Variants in CLEC12A observed in about 807,000 individuals in gnomAD.
CLEC12A encodes the protein C-type lectin domain family 12 member A.
Under a neutral mutation model 26.5 loss-of-function variants are expected in CLEC12A, and 22 were observed. That is an observed-to-expected ratio of 0.83 (90% CI 0.59 to 1.19). The LOEUF (loss-of-function observed/expected upper bound fraction) is 1.19, where lower values mean the gene tolerates loss of function less well. CLEC12A is among the 50% of genes most tolerant of loss of function. CLEC12A has a pLI of 0.00. For missense variants in CLEC12A, 353 were observed against 315.6 expected (o/e 1.12, Z -0.90); for synonymous variants, 119 against 101.9 (o/e 1.17, Z -1.01).
chr12:9,951,642 C>T, intron 1 of CLEC12A: 1 of 442,598 alleles, frequency 2.3e-6, no homozygotes, highest in Non-Finnish European at 4.2e-6. Context: ...AGGGAGAAAG[C>T]AACTCAACTG....
At chr12:9,981,261 G>GA (rs1159051344) in intron 4 of CLEC12A, among the ~76,000 whole-genome samples, 1 of 152,118 alleles carries the variant, frequency 6.6e-6, no homozygotes, top group Non-Finnish European at 1.5e-5. Context: ...TGAATCCCAG[G>GA]AAAAATGTGT....
chr12:9,992,533 G>A (rs1403482960), intron 4 of CLEC12A: 1 of 152,030 alleles, frequency 6.6e-6, no homozygotes, highest in Non-Finnish European at 1.5e-5. Flanking sequence ...TCGCTTTCAT[G>A]GAGTTTCTGG....
intron 1 of CLEC12A, among the ~76,000 whole-genome samples, chr12:9,958,123 A>G (rs1863772484): frequency 6.6e-6 from 1 of 152,224 alleles, no homozygotes; most frequent in Non-Finnish European, 1.5e-5. Context: ...ACTAGAGGGT[A>G]TAATGTGAAG....
intron 1 of CLEC12A, among the ~76,000 whole-genome samples, chr12:9,955,156 G>C (rs989106596): frequency 6.6e-6 from 1 of 152,000 alleles, no homozygotes; most frequent in African/African-American, 2.4e-5. Flanking sequence ...GCCCGATCTC[G>C]GCTCACTGCA....
intron 1 of CLEC12A, among the ~76,000 whole-genome samples, chr12:9,958,882 G>A (rs1863784957): frequency 3.3e-5 from 5 of 152,144 alleles, no homozygotes; most frequent in Admixed American, 1.3e-4. Context: ...GCCTCCAGAG[G>A]AAGGTCTTCA....
chr12:9,975,032 A>C (rs1410245800), intron 1 of CLEC12A, among the ~76,000 whole-genome samples: 2 of 152,208 alleles, frequency 1.3e-5, no homozygotes, highest in African/African-American at 4.8e-5. Context: ...GTCTGTGGCC[A>C]TGTGAGATGT....
chr12:9,955,765 A>T (rs73251715), intron 1 of CLEC12A, among the ~76,000 whole-genome samples: 11 of 152,312 alleles, frequency 7.2e-5, no homozygotes, highest in Admixed American at 2.6e-4. Flanking sequence ...TCAGTTACCA[A>T]AAGGCAAAGA....
intron 1 of CLEC12A, among the ~76,000 whole-genome samples, chr12:9,974,048 C>G (rs1864237098): frequency 6.6e-6 from 1 of 152,150 alleles, no homozygotes; most frequent in Non-Finnish European, 1.5e-5. Context: ...TCATTCTGTT[C>G]TCAACCAACT....
intron 4 of CLEC12A, chr12:9,995,000 C>T (rs1865002408): frequency 1.1e-5 from 17 of 1,557,740 alleles, no homozygotes; most frequent in Admixed American, 5.2e-5. Flanking sequence ...ATGACCAGCG[C>T]TGTCTTGTTT....
chr12:9,998,733 A>T (rs923501255), downstream of CLEC12A, among the ~76,000 whole-genome samples: 1 of 152,100 alleles, frequency 6.6e-6, no homozygotes, highest in South Asian at 2.1e-4. Flanking sequence ...GAAGAATCAC[A>T]CTCATTTGCT....
intron 1 of CLEC12A, among the ~76,000 whole-genome samples, chr12:9,963,634 T>C (rs1327857348): frequency 6.6e-6 from 1 of 152,166 alleles, no homozygotes; most frequent in Non-Finnish European, 1.5e-5. Context: ...TCTTCGGTCC[T>C]ATTTGCAAAT....
Position 9,982,118 on chromosome 12 carries a change from C to T in CLEC12A, c.630C>T (p.Asn210=), listed in dbSNP as rs758201172. ...TRGMRVDNII[N]SSAWVIRNAP... ...GTATGAGAGTGGATAATATAATCAACTCCTCTGCCTGGTAAGTGTCTATTC... is the reference window on the plus strand; with the variant it reads ...GTATGAGAGTGGATAATATAATCAATTCCTCTGCCTGGTAAGTGTCTATTC... Residue 210 remains asparagine, a synonymous_variant, in exon 5 of 6, where the codon AAC becomes AAT. Coordinates refer to ENST00000304361, the MANE Select transcript of CLEC12A (RefSeq NM_138337.6). 2.6e-6 allele frequency: 4 copies of T among 1,547,212 alleles called. No individual in the cohort carries two copies. The highest frequency in any genetic ancestry group is 3.6e-6 in the Non-Finnish European group (4 of 1,120,328).
upstream of CLEC12A, among the ~76,000 whole-genome samples, chr12:9,968,292 A>AC (rs957068803): frequency 1.3e-5 from 2 of 152,154 alleles, no homozygotes; most frequent in African/African-American, 4.8e-5. Context: ...GTGTGAAGAG[A>AC]CCACAAAACA....
In CLEC12A at chr12:9,980,576, T is replaced by C. The variant is rs1328148949; in HGVS notation, c.380-6T>C. The C allele has an allele frequency of 6.2e-7, 1 of 1,610,546 alleles. No homozygotes were observed. Among genetic ancestry groups the C allele is most frequent in the African/African-American group, 1.3e-5 (1 of 74,786 alleles). Reference sequence around the variant, plus strand: ...AAACCCAAATAAAACTATGTTCTTCTTCCAGAGCACAAATGTAAGCCTTGT... The same window carrying C: ...AAACCCAAATAAAACTATGTTCTTCCTCCAGAGCACAAATGTAAGCCTTGT... On this transcript the variant is annotated splice_polypyrimidine_tract_variant and splice_region_variant and intron_variant, in intron 3 of 5. Coordinates refer to ENST00000304361, the MANE Select transcript of CLEC12A (RefSeq NM_138337.6).
chr12:9,977,266 G>A (rs1864375831), intron 1 of CLEC12A, among the ~76,000 whole-genome samples: 1 of 152,018 alleles, frequency 6.6e-6, no homozygotes, highest in Admixed American at 6.6e-5. Flanking sequence ...TCAAACTTCT[G>A]TTCTCTTTCA....
At chr12:9,994,857 A>T (rs1365656652) in intron 4 of CLEC12A, among the ~76,000 whole-genome samples, 1 of 151,934 alleles carries the variant, frequency 6.6e-6, no homozygotes, top group Non-Finnish European at 1.5e-5. Context: ...ACACTCACAC[A>T]TACACATACA....
At chr12:10,000,529 A>C (rs1395873157), downstream of CLEC12A, among the ~76,000 whole-genome samples, 1 of 152,240 alleles carries the variant, frequency 6.6e-6, no homozygotes, top group Admixed American at 6.5e-5. Flanking sequence ...ATAAATGCCA[A>C]ATTTTAAGAA....
intron 1 of CLEC12A, among the ~76,000 whole-genome samples, chr12:9,974,161 C>T (rs1419376556): frequency 6.6e-6 from 1 of 152,170 alleles, no homozygotes; most frequent in Non-Finnish European, 1.5e-5. Flanking sequence ...CATTACTTCA[C>T]TTCCCTGCAG....
intron 4 of CLEC12A, chr12:9,993,042 G>T: frequency 9.5e-7 from 1 of 1,058,188 alleles, no homozygotes; most frequent in Non-Finnish European, 1.4e-6. Context: ...CCAGTGAGAA[G>T]AAAGGGAGAA....
Sources: gnomAD v4.1 joint callset for allele counts (sites outside exome capture counted in the v4.1 genomes callset) on GRCh38, gnomAD v4.1.1 for gene constraint, MANE v1.5 for transcripts, NCBI Gene and HGNC (gene_info 2026-07-23, HGNC 2026-07-21) for gene names.